Variants in EEPD1 observed in about 807,000 individuals in gnomAD.
EEPD1 encodes endonuclease/exonuclease/phosphatase family domain containing 1, also known as endonuclease/exonuclease/phosphatase family domain-containing protein 1.
EEPD1 carries 17 observed loss-of-function variants against 46.3 expected under a neutral mutation model. The observed-to-expected ratio is 0.37, with a 90% confidence interval of 0.25 to 0.55. The LOEUF (loss-of-function observed/expected upper bound fraction) is 0.55, where lower values mean the gene tolerates loss of function less well. Among genes scored for constraint, EEPD1 ranks in the 20% least tolerant of loss-of-function variants. The pLI, the probability that EEPD1 is intolerant of heterozygous loss-of-function variation, is 0.83. For missense variants in EEPD1, 673 were observed against 745.6 expected, an observed-to-expected ratio of 0.90 and a Z score of 1.13; for synonymous variants, 313 against 315.6, an observed-to-expected ratio of 0.99 and a Z score of 0.09.
Position 36,284,799 on chromosome 7 carries a change from C to A in EEPD1, c.1155C>A (p.Ser385Arg). The change falls in exon 5 of 8, where the codon AGC becomes AGA. Residue 385 changes from serine (S) to arginine (R), a missense_variant. By Grantham distance (110) the Ser-to-Arg change is moderately radical. Coordinates refer to ENST00000242108, the MANE Select transcript of EEPD1 (RefSeq NM_030636.3). ...GGCACGGGAAGCTGGCGGGCCCCAG[C>A]CCATACCTCGGGAGGTTCAAGGTAC... Reference protein sequence around the residue: ...SNGHGKLAGPSPYLGRFKVGS... With the variant: ...SNGHGKLAGPRPYLGRFKVGS... The A allele has an allele frequency of 6.4e-7, 1 of 1,562,870 alleles. No individual in the cohort carries two copies.
At chr7:36,159,911 A>G (rs1784875750) in intron 2 of EEPD1, among the ~76,000 whole-genome samples, 1 of 152,244 alleles carries the variant, frequency 6.6e-6, no homozygotes, top group Non-Finnish European at 1.5e-5. Context: ...AGGTGTTTCT[A>G]AATAGAAAGA....
chr7:36,256,380 A>G (rs1786828692), intron 3 of EEPD1, among the ~76,000 whole-genome samples: 1 of 152,102 alleles, frequency 6.6e-6, no homozygotes, highest in African/African-American at 2.4e-5. Context: ...TATCCTTGTT[A>G]ATTTTCTGTC....
intron 2 of EEPD1, among the ~76,000 whole-genome samples, chr7:36,230,483 A>G (rs1786304447): frequency 6.6e-6 from 1 of 151,828 alleles, no homozygotes. Context: ...CTGCCTCCCC[A>G]TGTCCATGGT....
At chr7:36,155,284 C>A (rs922538697) in intron 2 of EEPD1, 82 bp downstream of exon 2, 13 of 1,432,940 alleles carry the variant, frequency 9.1e-6, no homozygotes, top group African/African-American at 1.4e-5. Flanking sequence ...TGAATGGATT[C>A]TTTTGCGGGT....
intron 2 of EEPD1, among the ~76,000 whole-genome samples, chr7:36,209,614 C>T (rs1165211476): frequency 6.6e-6 from 1 of 152,096 alleles, no homozygotes; most frequent in Admixed American, 6.5e-5. Flanking sequence ...TACTGAATAC[C>T]GCGGGCCAGA....
At chr7:36,197,093 G>A (rs1785613438) in intron 2 of EEPD1, among the ~76,000 whole-genome samples, 1 of 145,092 alleles carries the variant, frequency 6.9e-6, no homozygotes, top group Non-Finnish European at 1.5e-5. Flanking sequence ...GAGCGTCTCT[G>A]CCCGGCCGCC....
At chr7:36,227,644 C>A (rs575562964) in intron 2 of EEPD1, among the ~76,000 whole-genome samples, 1 of 152,116 alleles carries the variant, frequency 6.6e-6, no homozygotes, top group South Asian at 2.1e-4. Flanking sequence ...TTTGGCCAGG[C>A]GCAGTGGCTC....
Position 36,154,993 on chromosome 7 carries a change from C to A in EEPD1, c.669C>A (p.Ser223=), listed in dbSNP as rs200242641. The A allele has an allele frequency of 1.0e-4, 164 of 1,613,162 alleles. No homozygotes were observed. The highest frequency in any genetic ancestry group is 1.3e-4 in the Non-Finnish European group (151 of 1,179,546). ...CCAAGCCTCACCCGAGCCCCACTTC[C>A]CTGAGCCTGCAGAGTGAGGACCTGG... The part of the protein sequence containing the change: ...FTAKPHPSPT[S]LSLQSEDLDL... Residue 223 remains serine, a synonymous_variant, in exon 2 of 8, where the codon TCC becomes TCA. Transcript: ENST00000242108. This position sits in a 1 kb window ranked among gnomAD's most constrained non-coding sequence, Gnocchi z 4.2.
chr7:36,160,261 C>T (rs1361754574), intron 2 of EEPD1, among the ~76,000 whole-genome samples: 1 of 152,210 alleles, frequency 6.6e-6, no homozygotes, highest in East Asian at 1.9e-4. Context: ...TCCCTGCACT[C>T]ATGGAACTTC....
At chr7:36,282,651 T>C (rs1787278784) in intron 4 of EEPD1, among the ~76,000 whole-genome samples, 1 of 152,232 alleles carries the variant, frequency 6.6e-6, no homozygotes, top group South Asian at 2.1e-4. Flanking sequence ...ATAGGGTGGC[T>C]ATAGGATTTT....
intron 2 of EEPD1, among the ~76,000 whole-genome samples, chr7:36,203,320 C>G (rs185689076): frequency 3.9e-5 from 6 of 152,220 alleles, no homozygotes; most frequent in Admixed American, 3.3e-4. Context: ...CAGGTCACAC[C>G]CACACCATGC....
At chr7:36,237,594 AAG>A (rs1786477755) in intron 2 of EEPD1, among the ~76,000 whole-genome samples, 1 of 152,224 alleles carries the variant, frequency 6.6e-6, no homozygotes, top group Admixed American at 6.5e-5. Flanking sequence ...TTGTGCAAAA[AAG>A]AATTTGGGGC....
chr7:36,231,444 T>C (rs1022408536), intron 2 of EEPD1, among the ~76,000 whole-genome samples: 1 of 152,198 alleles, frequency 6.6e-6, no homozygotes, highest in Non-Finnish European at 1.5e-5. Context: ...AGTTTTCATC[T>C]GCTTGGGGCT....
intron 2 of EEPD1, among the ~76,000 whole-genome samples, chr7:36,207,066 C>A (rs143984331): frequency 6.8e-4 from 104 of 152,044 alleles, no homozygotes; most frequent in African/African-American, 2.4e-3. Flanking sequence ...AAAACAAAAA[C>A]AACAACAAAA....
chr7:36,256,203 C>CCTTTT (rs1786826844), intron 3 of EEPD1, among the ~76,000 whole-genome samples: 2 of 151,828 alleles, frequency 1.3e-5, no homozygotes, highest in South Asian at 4.1e-4. Context: ...TTATGATTTC[C>CCTTTT]ATTGTTTTGC....
chr7:36,260,351 C>T (rs559812229), intron 3 of EEPD1, among the ~76,000 whole-genome samples: 57 of 152,298 alleles, frequency 3.7e-4, no homozygotes, highest in African/African-American at 1.3e-3. Flanking sequence ...TCTCTTTCAG[C>T]GCTTTGAATA....
chr7:36,287,515 C>A, intron 5 of EEPD1, 124 bp from the exon 6 acceptor site: 2 of 1,412,820 alleles, frequency 1.4e-6, no homozygotes, highest in Non-Finnish European at 1.9e-6. Flanking sequence ...GGGGTGTGAG[C>A]CAGCCTTGTT....
At chr7:36,287,925 A>G (rs1464086960) in intron 6 of EEPD1, 148 bp downstream of exon 6, 33 of 1,133,912 alleles carry the variant, frequency 2.9e-5, no homozygotes, top group Admixed American at 5.1e-5. Context: ...CTGGCATCTC[A>G]TGGAGCCCAG....
At chr7:36,167,088 A>G (rs1279955194) in intron 2 of EEPD1, among the ~76,000 whole-genome samples, 1 of 152,106 alleles carries the variant, frequency 6.6e-6, no homozygotes, top group African/African-American at 2.4e-5. Flanking sequence ...TCTGTACCCA[A>G]AATCTCTTCT....
Sources: allele counts gnomAD v4.1 joint callset (sites outside exome capture counted in the v4.1 genomes callset), GRCh38; gene constraint gnomAD v4.1.1; non-coding constraint Gnocchi (gnomAD v3.1); transcripts MANE v1.5; gene names NCBI Gene and HGNC (gene_info 2026-07-23, HGNC 2026-07-21).